Variants in CILK1 observed in about 807,000 individuals in gnomAD.
CILK1 encodes the protein serine/threonine-protein kinase ICK.
In CILK1, 47 loss-of-function variants were observed where a neutral mutation model predicts 79.2. The observed-to-expected ratio is 0.59, with a 90% CI of 0.47 to 0.76. The LOEUF is 0.76. CILK1 is among the 30% of genes least tolerant of loss of function. The pLI is 0.00. For synonymous variants in CILK1, 266 were observed against 275.9 expected, an observed-to-expected ratio of 0.96 and a Z score of 0.36; for missense variants, 660 against 769.5, an observed-to-expected ratio of 0.86 and a Z score of 1.68.
chr6:53,059,076 T>C (rs1474577954), intron 1 of CILK1, among the ~76,000 whole-genome samples: 1 of 152,216 alleles, frequency 6.6e-6, no homozygotes, highest in Non-Finnish European at 1.5e-5. Context: ...ACTGCATGGT[T>C]ACCCTGGTTC....
At chr6:53,021,510 G>A (rs1765242561) in intron 5 of CILK1, among the ~76,000 whole-genome samples, 1 of 151,918 alleles carries the variant, frequency 6.6e-6, no homozygotes, top group Admixed American at 6.5e-5. Context: ...AACCATCCAT[G>A]ACTCCTTTTT....
intron 1 of CILK1, among the ~76,000 whole-genome samples, chr6:53,045,359 G>C (rs985846165): frequency 6.6e-6 from 1 of 152,082 alleles, no homozygotes; most frequent in African/African-American, 2.4e-5. Flanking sequence ...CATACACACA[G>C]TCCTCAACTT....
rs1764135899 is a variant in CILK1 at position 53,005,035 on chromosome 6, T to C, written c.*114A>G. 8 of 1,190,818 alleles carry C rather than the reference T, an allele frequency of 6.7e-6. No individual in the cohort carries two copies. Among genetic ancestry groups the C allele is most frequent in the Non-Finnish European group, 8.7e-6 (7 of 805,876 alleles). 73.8% of individuals were successfully genotyped at this position (1,190,818 alleles called of 1,614,324 possible). On this transcript the variant is annotated 3_prime_UTR_variant, in exon 14 of 14. Coordinates refer to ENST00000676107, the MANE Select transcript of CILK1 (RefSeq NM_014920.5). ...ATGTCTTAGTTCAGAAGAATAACTA[T>C]AAAGTGTTGATTTGCTTTTATGCCC...
At chr6:53,042,930 T>C (rs1766810276) in intron 1 of CILK1, among the ~76,000 whole-genome samples, 1 of 152,190 alleles carries the variant, frequency 6.6e-6, no homozygotes, top group East Asian at 1.9e-4. Flanking sequence ...ATGTAAGATA[T>C]TAATATTAGG....
chr6:53,019,207 T>C lies in CILK1; in HGVS notation c.491+20A>G. ...TTTAAAGAAGTGCAATTAAATAATT[T>C]TGAGAAAAATGGTATTCACCATCTG... On this transcript the variant is annotated intron_variant, in intron 6 of 13. Coordinates refer to ENST00000676107, the MANE Select transcript of CILK1 (RefSeq NM_014920.5). 1 of 1,605,428 alleles carries C rather than the reference T, an allele frequency of 6.2e-7. No homozygotes were observed. Among genetic ancestry groups the C allele is most frequent in the Non-Finnish European group, 8.5e-7 (1 of 1,172,094 alleles).
chr6:53,030,293 T>G (rs2127436630), intron 5 of CILK1, among the ~76,000 whole-genome samples: 1 of 152,328 alleles, frequency 6.6e-6, no homozygotes, highest in East Asian at 1.9e-4. Context: ...AACTGCCCTC[T>G]AAAACCCATC....
intron 5 of CILK1, among the ~76,000 whole-genome samples, chr6:53,028,020 G>A (rs184424543): frequency 9.9e-4 from 150 of 151,286 alleles, no homozygotes; most frequent in Admixed American, 2.9e-3. Flanking sequence ...GGTGGCATGC[G>A]CCTGTAGTCC....
At chr6:53,045,809 A>AAAT (rs57198950) in intron 1 of CILK1, among the ~76,000 whole-genome samples, 1 of 148,694 alleles carries the variant, frequency 6.7e-6, no homozygotes, top group Non-Finnish European at 1.5e-5. Flanking sequence ...AAAAAAAAAA[A>AAAT]TTCCTGGAAG....
Position 53,005,022 on chromosome 6 carries a change from A to T in CILK1, c.*127T>A. On this transcript the variant is annotated 3_prime_UTR_variant, in exon 14 of 14. Transcript: ENST00000676107. Reference sequence around the variant, plus strand: ...AAAGAATATTGACATGTCTTAGTTCAGAAGAATAACTATAAAGTGTTGATT... The same window carrying T: ...AAAGAATATTGACATGTCTTAGTTCTGAAGAATAACTATAAAGTGTTGATT... The T allele has an allele frequency of 9.2e-7, 1 of 1,091,998 alleles. No homozygotes were observed. The highest frequency in any genetic ancestry group is 1.4e-6 in the Non-Finnish European group (1 of 722,754). 67.6% of individuals were successfully genotyped at this position (1,091,998 alleles called of 1,614,324 possible).
intron 5 of CILK1, among the ~76,000 whole-genome samples, chr6:53,023,926 G>A (rs776403189): frequency 6.6e-5 from 10 of 152,216 alleles, no homozygotes; most frequent in Non-Finnish European, 1.3e-4. Flanking sequence ...AGAAGGGGAT[G>A]AAGGTATAGA....
intron 3 of CILK1, among the ~76,000 whole-genome samples, chr6:53,035,522 G>A (rs139956077): frequency 0.013 from 1,917 of 152,222 alleles, 40 homozygotes; most frequent in African/African-American, 0.04. Flanking sequence ...ATAGCACCAG[G>A]TGCCATTCCC....
At chr6:53,041,493 T>C (rs924773749) in intron 1 of CILK1, 85 bp from the exon 2 acceptor site, 1 of 447,002 alleles carries the variant, frequency 2.2e-6, no homozygotes. Flanking sequence ...CTGTGTTTTA[T>C]TGGAACACAG....
Position 53,004,748 on chromosome 6 carries a change from T to G in CILK1, c.*401A>C, listed in dbSNP as rs1412831933. Reference sequence around the variant, plus strand: ...CACATAGCCTTAAATTGCACCCCTGTTGCAATACTGCATTAATATTATTAC... The same window carrying G: ...CACATAGCCTTAAATTGCACCCCTGGTGCAATACTGCATTAATATTATTAC... On this transcript the variant is annotated 3_prime_UTR_variant, in exon 14 of 14. Transcript: ENST00000676107. 4.9e-6 allele frequency: 1 copy of G among 202,584 alleles called. No homozygotes were observed. The highest frequency in any genetic ancestry group is 1.0e-5 in the Non-Finnish European group (1 of 98,248). The allele number at this position is 202,584 out of a possible 1,614,324, so 12.5% of individuals were successfully genotyped here.
intron 13 of CILK1, among the ~76,000 whole-genome samples, chr6:53,006,082 C>G (rs1224179982): frequency 6.6e-6 from 1 of 152,208 alleles, no homozygotes; most frequent in African/African-American, 2.4e-5. Context: ...GTACCCCACA[C>G]TCCAACCCCC....
chr6:53,034,367 G>T (rs764404894), intron 3 of CILK1, among the ~76,000 whole-genome samples: 3 of 152,192 alleles, frequency 2.0e-5, no homozygotes, highest in Non-Finnish European at 2.9e-5. Context: ...AATATAAAAA[G>T]AATTAATTTT....
At chr6:53,045,706 A>C (rs1489246421) in intron 1 of CILK1, among the ~76,000 whole-genome samples, 1 of 151,286 alleles carries the variant, frequency 6.6e-6, no homozygotes, top group Non-Finnish European at 1.5e-5. Context: ...AAGTTGAGAC[A>C]CATCTGTGTA....
intron 2 of CILK1, among the ~76,000 whole-genome samples, chr6:53,039,666 C>T (rs186479536): frequency 5.3e-5 from 8 of 152,250 alleles, no homozygotes; most frequent in East Asian, 3.9e-4. Context: ...TAGAGCTGTG[C>T]GCTACAGCTG....
chr6:53,017,308 A>G (rs1283440012), intron 7 of CILK1, among the ~76,000 whole-genome samples: 1 of 152,234 alleles, frequency 6.6e-6, no homozygotes, highest in African/African-American at 2.4e-5. Flanking sequence ...ATGGTCTAGG[A>G]AACAACTATG....
At chr6:53,038,207 T>C (rs766797858) in intron 2 of CILK1, among the ~76,000 whole-genome samples, 1 of 152,178 alleles carries the variant, frequency 6.6e-6, no homozygotes, top group Non-Finnish European at 1.5e-5. Context: ...AGTGGTGTGG[T>C]GCAGTCCAAA....
Sources: gnomAD v4.1 joint callset for allele counts (sites outside exome capture counted in the v4.1 genomes callset) on GRCh38, gnomAD v4.1.1 for gene constraint, MANE v1.5 for transcripts, NCBI Gene and HGNC (gene_info 2026-07-23, HGNC 2026-07-21) for gene names.